The following PLXNA4 variants were observed in gnomAD, a reference collection of about 807,000 sequenced individuals.
PLXNA4 encodes plexin-A4.
Under a neutral mutation model 191.8 loss-of-function variants are expected in PLXNA4, and 44 were observed. The ratio of observed to expected loss-of-function variants is 0.23; its 90% CI spans 0.18 to 0.29. The LOEUF (loss-of-function observed/expected upper bound fraction) is 0.29. PLXNA4 is among the 10% of genes least tolerant of loss of function. The pLI is 1.00. For synonymous variants in PLXNA4, 1,082 were observed against 1,009.5 expected (o/e 1.07, Z -1.36); for missense variants, 1,800 against 2,488.8 (o/e 0.72, Z 5.89).
At position 132,567,077 on chromosome 7, in the gene PLXNA4, C is replaced by T. The variant is rs544757586; in HGVS notation, c.-87+9345G>A. Among the ~76,000 whole-genome samples, 53 of 152,254 alleles carry T rather than the reference C, an allele frequency of 3.5e-4. 1 individual carries two copies. The highest frequency in any genetic ancestry group is 1.9e-3 in the South Asian group (9 of 4,812). On this transcript the variant is annotated intron_variant, in intron 1 of 31. Transcript: ENST00000321063. ...ATAGGCTTAAATACTCCCACACAAA[C>T]GGATCCCCATGGCCCAATAACCTGA...
intron 2 of PLXNA4, among the ~76,000 whole-genome samples, chr7:132,588,219 T>C (rs1224655378): frequency 1.3e-5 from 2 of 152,166 alleles, no homozygotes; most frequent in South Asian, 2.1e-4. Context: ...TTTTGTCCTA[T>C]GCCTAACTAC....
At chr7:132,610,295 C>A (rs1413769574) in intron 2 of PLXNA4, among the ~76,000 whole-genome samples, 1 of 152,156 alleles carries the variant, frequency 6.6e-6, no homozygotes, top group African/African-American at 2.4e-5. Context: ...CCCTGGGCCT[C>A]AATTTCTCCA....
chr7:132,473,739 C>T (rs191785640), intron 3 of PLXNA4, among the ~76,000 whole-genome samples: 3 of 151,938 alleles, frequency 2.0e-5, no homozygotes, highest in Non-Finnish European at 4.4e-5. Flanking sequence ...TAGAGAAGAT[C>T]AGCTCCCTGA....
intron 14 of PLXNA4, 36 bp downstream of exon 14, chr7:132,194,026 C>A: frequency 6.3e-7 from 1 of 1,596,068 alleles, no homozygotes. Context: ...GCTCTGTGGC[C>A]TGCACCCAGC....
At chr7:132,214,971 TTCTTTCCTCC>T (rs1180900831) in intron 9 of PLXNA4, among the ~76,000 whole-genome samples, 3 of 152,154 alleles carry the variant, frequency 2.0e-5, no homozygotes, top group Admixed American at 2.0e-4. Context: ...CAAATGTTTG[TTCTTTCCTCC>T]TCTTTCCTCC....
intron 10 of PLXNA4, among the ~76,000 whole-genome samples, chr7:132,207,465 G>C (rs148763183): frequency 1.4e-4 from 22 of 152,264 alleles, no homozygotes; most frequent in African/African-American, 5.1e-4. Context: ...CATTTTCCTA[G>C]AGCATTGGTC....
chr7:132,133,150 T>C lies in PLXNA4; in HGVS notation c.5488A>G (p.Asn1830Asp). 6.2e-7 allele frequency: 1 copy of C among 1,614,206 alleles called. No homozygotes were observed. The highest frequency in any genetic ancestry group is 8.5e-7 in the Non-Finnish European group (1 of 1,180,034). ...CGGGACTGCTCAGCCAGGTATGCGT[T>C]CATGTCTTGGTCGCTGATGGCTGGC... ...KMPAISDQDMNAYLAEQSRMH... is the reference protein window; with the variant it reads ...KMPAISDQDMDAYLAEQSRMH... Residue 1830 changes from asparagine to aspartate, a missense_variant, in exon 31 of 32, where the codon AAC becomes GAC. By Grantham distance (23) the Asn-to-Asp change is conservative. Transcript: ENST00000321063.
chr7:132,629,472 T>G (rs1207286478), intron 2 of PLXNA4, among the ~76,000 whole-genome samples: 1 of 152,178 alleles, frequency 6.6e-6, no homozygotes, highest in African/African-American at 2.4e-5. Context: ...GCCTAGACCC[T>G]CTCCTGAACC....
At chr7:132,132,709 G>A (rs1329065376) in intron 31 of PLXNA4, among the ~76,000 whole-genome samples, 4 of 152,032 alleles carry the variant, frequency 2.6e-5, no homozygotes, top group African/African-American at 9.7e-5. Flanking sequence ...GCCCATAGGA[G>A]TGAGGAGGTG....
chr7:132,471,737 C>A (rs188690527), intron 3 of PLXNA4, among the ~76,000 whole-genome samples: 1 of 152,084 alleles, frequency 6.6e-6, no homozygotes, highest in Admixed American at 6.5e-5. Flanking sequence ...GGAGGAGGGG[C>A]GCTCTTTCAA....
chr7:132,151,901 C>G (rs1010888576), intron 25 of PLXNA4, among the ~76,000 whole-genome samples: 5 of 152,188 alleles, frequency 3.3e-5, no homozygotes, highest in Admixed American at 3.3e-4. Flanking sequence ...AGGAAAGCCA[C>G]TCCTTAATGT....
At chr7:132,147,510 C>T (rs3930463) in intron 27 of PLXNA4, among the ~76,000 whole-genome samples, 18,555 of 152,146 alleles carry the variant, frequency 0.12, 2,212 homozygotes, top group African/African-American at 0.31. Context: ...CACTCCACTG[C>T]AAAATAACAG....
At chr7:132,534,345 C>A (rs942960282) in intron 1 of PLXNA4, among the ~76,000 whole-genome samples, 3 of 152,164 alleles carry the variant, frequency 2.0e-5, no homozygotes, top group Non-Finnish European at 4.4e-5. Flanking sequence ...CACCATTAGA[C>A]CCCCTCCCCT....
chr7:132,455,681 A>G (rs745799040), intron 3 of PLXNA4, among the ~76,000 whole-genome samples: 7 of 152,152 alleles, frequency 4.6e-5, no homozygotes, highest in Non-Finnish European at 8.8e-5. Flanking sequence ...ATTGTGCATC[A>G]AGCGTGCAGC....
At position 132,576,233 on chromosome 7, in the gene PLXNA4, G is replaced by C. The variant is rs766500064; in HGVS notation, c.-87+189C>G. Among the ~76,000 whole-genome samples the C allele has an allele frequency of 2.6e-5, 4 of 152,202 alleles. No homozygotes were observed. Among genetic ancestry groups the C allele is most frequent in the African/African-American group, 4.8e-5 (2 of 41,448 alleles). On this transcript the variant is annotated intron_variant, in intron 1 of 31. Coordinates refer to ENST00000321063, the MANE Select transcript of PLXNA4 (RefSeq NM_020911.2). This position sits in a 1 kb window ranked among gnomAD's most constrained non-coding sequence, Gnocchi z 5.8. ...GCTGCACCTCCGCGGGCGTCCAGGTGGGACGTGGGCAGGTGCGCGAGCGCC... is the reference window on the plus strand; with the variant it reads ...GCTGCACCTCCGCGGGCGTCCAGGTCGGACGTGGGCAGGTGCGCGAGCGCC...
intron 3 of PLXNA4, among the ~76,000 whole-genome samples, chr7:132,304,258 G>C (rs1222428092): frequency 6.6e-6 from 1 of 152,134 alleles, no homozygotes; most frequent in Non-Finnish European, 1.5e-5. Flanking sequence ...GAAGATCAGA[G>C]AGCCACTGTG....
At chr7:132,252,315 TTTTTTTTTTTTTTTG>T (rs1562992625) in intron 4 of PLXNA4, among the ~76,000 whole-genome samples, 2 of 122,110 alleles carry the variant, frequency 1.6e-5, no homozygotes, top group African/African-American at 3.4e-5. Context: ...TTTTTTTTTT[TTTTTTTTTTTTTTTG>T]AGATGGAGTC....
At chr7:132,148,026 T>G (rs763670747) in intron 26 of PLXNA4, 27 bp from the exon 27 acceptor site, 2 of 1,614,094 alleles carry the variant, frequency 1.2e-6, no homozygotes, top group South Asian at 1.1e-5. Flanking sequence ...TCTCAGGGCC[T>G]AGGCACAGCA....
intron 24 of PLXNA4, among the ~76,000 whole-genome samples, chr7:132,162,330 G>A (rs1484766479): frequency 1.3e-5 from 2 of 152,150 alleles, no homozygotes; most frequent in African/African-American, 4.8e-5. Context: ...TTTCCTCACT[G>A]CTCCTGTCCT....
Sources: allele counts gnomAD v4.1 joint callset (sites outside exome capture counted in the v4.1 genomes callset), GRCh38; gene constraint gnomAD v4.1.1; non-coding constraint Gnocchi (gnomAD v3.1); transcripts MANE v1.5; gene names NCBI Gene and HGNC (gene_info 2026-07-23, HGNC 2026-07-21).